The following ZNF383 variants were observed in gnomAD, a reference collection of about 807,000 sequenced individuals.
ZNF383 encodes the protein zinc finger protein 383.
In ZNF383, 32 loss-of-function variants were observed where a neutral mutation model predicts 44.2. The observed-to-expected ratio is 0.72, with a 90% confidence interval of 0.55 to 0.97. ZNF383 has a LOEUF of 0.97. Among genes scored for constraint, ZNF383 ranks in the 50% least tolerant of loss-of-function variants. ZNF383 has a pLI of 0.00. For missense variants in ZNF383, 487 were observed against 562.5 expected (o/e 0.87, Z 1.36); for synonymous variants, 155 against 186.2 (o/e 0.83, Z 1.36).
chr19:37,232,759 C>A (rs1376451875), intron 3 of ZNF383, among the ~76,000 whole-genome samples: 1 of 152,096 alleles, frequency 6.6e-6, no homozygotes, highest in Admixed American at 6.6e-5. Context: ...ATTTAATTAC[C>A]AGTTTTCCAA....
At chr19:37,219,742 A>G (rs1304796787) in intron 1 of ZNF383, 1 of 152,206 alleles carries the variant, frequency 6.6e-6, no homozygotes, top group Non-Finnish European at 1.5e-5. Context: ...GACCAAACCA[A>G]ATACAAGGTG....
rs1046740355 is a variant in ZNF383, at chr19:37,245,743, G to A, written c.*2079G>A. 6.6e-6 allele frequency: 1 copy of A among 151,934 alleles called. No individual in the cohort carries two copies. Among genetic ancestry groups the A allele is most frequent in the Non-Finnish European group, 1.5e-5 (1 of 68,050 alleles). 9.4% of individuals were successfully genotyped at this position (151,934 alleles called of 1,614,324 possible). On this transcript the variant is annotated 3_prime_UTR_variant, in exon 6 of 6. Transcript: ENST00000684119. ...CCACCTCGGCCTCCCAAAGTTCGGG[G>A]ATTACAGGTGTGAGCCACTGTGCCC...
In ZNF383 at chr19:37,230,441, A is replaced by C. The variant is rs752351405; in HGVS notation, c.-13A>C. ...GCCTCAAGGAAGACTAACCATCTGC[A>C]ATACTAGAAGCCATGGCTGAGGTGA... On this transcript the variant is annotated 5_prime_UTR_variant, in exon 3 of 6. Coordinates refer to ENST00000684119, the MANE Select transcript of ZNF383 (RefSeq NM_001387601.1). The C allele has an allele frequency of 1.4e-5, 23 of 1,613,328 alleles. No individual in the cohort carries two copies. Among genetic ancestry groups the C allele is most frequent in the Non-Finnish European group, 1.6e-5 (19 of 1,179,668 alleles).
rs1298552048 is a variant in ZNF383, at chr19:37,243,975, C to G, written c.*311C>G. 1.7e-5 allele frequency: 4 copies of G among 228,750 alleles called. No individual in the cohort carries two copies. Among genetic ancestry groups the G allele is most frequent in the Non-Finnish European group, 3.4e-5 (4 of 116,970 alleles). 14.2% of individuals were successfully genotyped at this position (228,750 alleles called of 1,614,324 possible). On this transcript the variant is annotated 3_prime_UTR_variant, in exon 6 of 6. Coordinates refer to ENST00000684119, the MANE Select transcript of ZNF383 (RefSeq NM_001387601.1). ...TCTGATCTGTGTATTTGTGTTTGCA[C>G]CAGTATCACACTGTTTGAATTGTGT... is the stretch of plus-strand genomic sequence containing the variant.
At position 37,224,804 on chromosome 19, in the gene ZNF383, T is replaced by G. The variant is rs1294945885; in HGVS notation, c.-167-14T>G. On this transcript the variant is annotated splice_polypyrimidine_tract_variant and intron_variant, in intron 1 of 5. Coordinates refer to ENST00000684119, the MANE Select transcript of ZNF383 (RefSeq NM_001387601.1). ...TAAAATTTACCATCTTAATCTTTGT[T>G]TTTTTTTTTTTAGACGGAGTCTCAC... is the stretch of plus-strand genomic sequence containing the variant. 6.7e-6 allele frequency: 1 copy of G among 148,686 alleles called. No individual in the cohort carries two copies. Among genetic ancestry groups the G allele is most frequent in the Non-Finnish European group, 1.5e-5 (1 of 67,008 alleles). 9.2% of individuals were successfully genotyped at this position (148,686 alleles called of 1,614,324 possible). A position where few individuals can be genotyped will look rare whatever the true frequency, so the allele number is the denominator to read the frequency against.
chr19:37,243,188 G>A lies in ZNF383; in HGVS notation c.952G>A (p.Ala318Thr). ...KPYECKECGK[A>T]FTQSSKLVQH... is the part of the protein sequence containing the mutation. The stretch of plus-strand genomic sequence containing the variant: ...CTATGAATGTAAGGAATGTGGCAAA[G>A]CCTTTACCCAGAGCTCAAAGCTTGT... The change falls in exon 6 of 6, where the codon GCC (alanine) becomes ACC (threonine). Residue 318 changes from alanine (A) to threonine (T), a missense_variant. Ala to Thr is a moderately conservative substitution (Grantham distance 58). Coordinates refer to ENST00000684119, the MANE Select transcript of ZNF383 (RefSeq NM_001387601.1). 1 of 1,614,176 alleles carries A rather than the reference G, an allele frequency of 6.2e-7. No homozygotes were observed. The highest frequency in any genetic ancestry group is 8.5e-7 in the Non-Finnish European group (1 of 1,180,020).
intron 5 of ZNF383, among the ~76,000 whole-genome samples, chr19:37,236,992 CACAG>C (rs1475821009): frequency 7.0e-5 from 10 of 143,834 alleles, no homozygotes; most frequent in African/African-American, 1.9e-4. Context: ...CACACACACA[CACAG>C]AGACACACAC....
intron 2 of ZNF383, among the ~76,000 whole-genome samples, chr19:37,225,590 G>A (rs1973121716): frequency 6.6e-6 from 1 of 151,932 alleles, no homozygotes. Flanking sequence ...TCTGTAAGTG[G>A]AATCATTTAT....
At chr19:37,236,346 G>T (rs927605112) in intron 5 of ZNF383, among the ~76,000 whole-genome samples, 1 of 151,278 alleles carries the variant, frequency 6.6e-6, no homozygotes, top group African/African-American at 2.4e-5. Flanking sequence ...TATTTTACCC[G>T]TATTTTAGAT....
In ZNF383 at chr19:37,242,909, C is replaced by T. The variant is rs138305447; in HGVS notation, c.673C>T (p.Pro225Ser). The change falls in exon 6 of 6, where the codon CCC (proline) becomes TCC (serine). Residue 225 changes from proline to serine, a missense_variant. Coordinates refer to ENST00000684119, the MANE Select transcript of ZNF383 (RefSeq NM_001387601.1). ...TCTGAAAATTCATACTGGCGAAAAA[C>T]CCTTTGAATGTAAGGAATGTGGAAA... is the stretch of plus-strand genomic sequence containing the variant. The part of the protein sequence containing the change: ...RHLKIHTGEK[P>S]FECKECGKAF... The T allele has an allele frequency of 2.3e-5, 37 of 1,614,042 alleles. No individual in the cohort carries two copies. The highest frequency in any genetic ancestry group is 2.8e-5 in the Non-Finnish European group (33 of 1,180,034).
chr19:37,232,316 A>G (rs959295356), intron 3 of ZNF383, among the ~76,000 whole-genome samples: 2 of 151,844 alleles, frequency 1.3e-5, no homozygotes, highest in African/African-American at 4.8e-5. Flanking sequence ...CTCGGGATCC[A>G]CCCACCTTCG....
At chr19:37,223,418 C>T (rs1344778689) in intron 1 of ZNF383, among the ~76,000 whole-genome samples, 1 of 152,078 alleles carries the variant, frequency 6.6e-6, no homozygotes, top group African/African-American at 2.4e-5. Flanking sequence ...AATATCCCAG[C>T]CAGGTGTGGT....
intron 5 of ZNF383, among the ~76,000 whole-genome samples, chr19:37,239,312 A>G (rs1381478438): frequency 1.3e-5 from 2 of 152,328 alleles, no homozygotes; most frequent in Non-Finnish European, 2.9e-5. Context: ...CAGTAGTAGT[A>G]GTAGTAGTTA....
rs1974265320 is a variant in ZNF383 at position 37,244,022 on chromosome 19, C to T, written c.*358C>T. 6.1e-6 allele frequency: 1 copy of T among 164,744 alleles called. No individual in the cohort carries two copies. Among genetic ancestry groups the T allele is most frequent in the African/African-American group, 2.4e-5 (1 of 41,864 alleles). The allele number at this position is 164,744 out of a possible 1,614,324, so 10.2% of individuals were successfully genotyped here. ...GTGTGACCTTTAATATTTTTAAATT[C>T]CTTGTGGAGGTTTAACTTTGTTTTT... On this transcript the variant is annotated 3_prime_UTR_variant, in exon 6 of 6. Transcript: ENST00000684119.
At position 37,243,343 on chromosome 19, in the gene ZNF383, G is replaced by A; in HGVS notation, c.1107G>A (p.Lys369=). The A allele has an allele frequency of 6.2e-7, 1 of 1,614,112 alleles. No individual in the cohort carries two copies. Among genetic ancestry groups the A allele is most frequent in the Non-Finnish European group, 8.5e-7 (1 of 1,180,020 alleles). Reference sequence around the variant, plus strand: ...CTGGTGAGAAACCCTATGATTGTAAGGAATGTGGAAAGGCTTTTACTCAGA... The same window carrying A: ...CTGGTGAGAAACCCTATGATTGTAAAGAATGTGGAAAGGCTTTTACTCAGA... ...IHTGEKPYDC[K]ECGKAFTQSS... is the part of the protein sequence containing the mutation. Residue 369 remains lysine, a synonymous_variant, in exon 6 of 6, where the codon AAG becomes AAA. Transcript: ENST00000684119.
intron 1 of ZNF383, among the ~76,000 whole-genome samples, chr19:37,222,233 C>T (rs1038464225): frequency 9.3e-5 from 14 of 150,766 alleles, no homozygotes; most frequent in East Asian, 1.9e-4. Flanking sequence ...TATTGTATTT[C>T]GTATGTAATA....
intron 4 of ZNF383, 112 bp from the exon 5 acceptor site, chr19:37,235,867 C>G: frequency 1.6e-6 from 2 of 1,217,530 alleles, no homozygotes; most frequent in South Asian, 1.5e-5. Flanking sequence ...GAAGCTTCAT[C>G]TTCATCTTTC....
chr19:37,236,126 C>A, intron 5 of ZNF383, 52 bp downstream of exon 5: 3 of 1,453,242 alleles, frequency 2.1e-6, no homozygotes, highest in Non-Finnish European at 1.9e-6. Context: ...CAGAACTCAG[C>A]TGGTCAGGGA....
intron 4 of ZNF383, 144 bp from the exon 5 acceptor site, chr19:37,235,835 G>A: frequency 1.6e-6 from 2 of 1,233,920 alleles, no homozygotes; most frequent in Non-Finnish European, 2.3e-6. Context: ...TGGGAAATTG[G>A]CAACTCCAGT....
Sources: allele counts gnomAD v4.1 joint callset (sites outside exome capture counted in the v4.1 genomes callset), GRCh38; gene constraint gnomAD v4.1.1; transcripts MANE v1.5; gene names NCBI Gene and HGNC (gene_info 2026-07-23, HGNC 2026-07-21).